Variants in RXRA observed in about 807,000 individuals in gnomAD.
RXRA encodes the protein retinoic acid receptor RXR-alpha.
In RXRA, 5 loss-of-function variants were observed where a neutral mutation model predicts 44.5. The ratio of observed to expected loss-of-function variants is 0.11; its 90% confidence interval spans 0.06 to 0.24. The LOEUF is 0.24. Among genes scored for constraint, RXRA ranks in the 10% least tolerant of loss-of-function variants. RXRA has a pLI of 1.00. For missense variants in RXRA, 412 were observed against 646.5 expected (o/e 0.64, Z 3.93); for synonymous variants, 291 against 271.4 (o/e 1.07, Z -0.71).
rs1348190856 is a variant in RXRA, at chr9:134,417,363, C to T, written c.780+36C>T. ...GCCTGTGCAGGGGTGGGCAGCCTCA[C>T]ATGCCTCAGTTTCCCTCACTCACTC... On this transcript the variant is annotated intron_variant, in intron 5 of 9. Transcript: ENST00000481739. The surrounding 1 kb of genome is among the most constrained non-coding windows in gnomAD (Gnocchi z 6.1). 2.5e-6 allele frequency: 4 copies of T among 1,602,194 alleles called. No homozygotes were observed. Among genetic ancestry groups the T allele is most frequent in the African/African-American group, 2.7e-5 (2 of 74,772 alleles).
rs1458255512 is a variant in RXRA, at chr9:134,407,943, C to T, written c.280-206C>T. Among the ~76,000 whole-genome samples the T allele has an allele frequency of 6.6e-6, 1 of 152,006 alleles. No homozygotes were observed. Among genetic ancestry groups the T allele is most frequent in the Non-Finnish European group, 1.5e-5 (1 of 67,974 alleles). On this transcript the variant is annotated intron_variant, in intron 2 of 9. Coordinates refer to ENST00000481739, the MANE Select transcript of RXRA (RefSeq NM_002957.6). The surrounding 1 kb of genome is among the most constrained non-coding windows in gnomAD (Gnocchi z 4.8). The stretch of plus-strand genomic sequence containing the variant: ...TGCTGCGGGCGAGTCCTGAGGTTGC[C>T]ACAGCCTCTGCTGGCCTTGCTGAGC...
At chr9:134,414,424 G>C (rs36055048) in intron 4 of RXRA, among the ~76,000 whole-genome samples, 1,820 of 152,374 alleles carry the variant, frequency 0.012, 38 homozygotes, top group African/African-American at 0.042. Flanking sequence ...CAGGCCCCCC[G>C]TGTGCTGGCG....
At chr9:134,368,446 G>T (rs1460982476) in intron 1 of RXRA, among the ~76,000 whole-genome samples, 1 of 152,270 alleles carries the variant, frequency 6.6e-6, no homozygotes, top group African/African-American at 2.4e-5. Context: ...CGCCCTCCAG[G>T]ATGAGAGGCT....
At chr9:134,396,768 G>A (rs372543053) in intron 1 of RXRA, among the ~76,000 whole-genome samples, 2 of 152,158 alleles carry the variant, frequency 1.3e-5, no homozygotes, top group South Asian at 2.1e-4. Flanking sequence ...GGGCTTCCTG[G>A]GGCGCCAGAT....
intron 1 of RXRA, among the ~76,000 whole-genome samples, chr9:134,357,807 C>T (rs990065987): frequency 6.6e-6 from 1 of 152,188 alleles, no homozygotes; most frequent in Admixed American, 6.5e-5. Context: ...ATGTGTAAAT[C>T]ACGGTTTCTT....
At chr9:134,413,449 GAAGGT>G (rs1831182968) in intron 4 of RXRA, among the ~76,000 whole-genome samples, 1 of 152,202 alleles carries the variant, frequency 6.6e-6, no homozygotes, top group Non-Finnish European at 1.5e-5. Context: ...GCCCTGGAGG[GAAGGT>G]AAGTCACTCC....
intron 1 of RXRA, among the ~76,000 whole-genome samples, chr9:134,355,549 G>A (rs575194957): frequency 1.4e-4 from 21 of 152,116 alleles, no homozygotes; most frequent in Non-Finnish European, 2.4e-4. Context: ...GGAGGGAGAG[G>A]CAGTGGCTCA....
intron 1 of RXRA, chr9:134,379,693 G>A (rs975518463): frequency 2.5e-5 from 25 of 985,252 alleles, no homozygotes; most frequent in Non-Finnish European, 2.9e-5. Flanking sequence ...CCCAGTATGC[G>A]GATGAGAAAA....
intron 1 of RXRA, among the ~76,000 whole-genome samples, chr9:134,385,770 G>A (rs752800676): frequency 7.2e-5 from 11 of 152,246 alleles, no homozygotes; most frequent in Non-Finnish European, 8.8e-5. Flanking sequence ...TGGGGCGGCT[G>A]TTGCCATCGC....
intron 1 of RXRA, among the ~76,000 whole-genome samples, chr9:134,335,067 C>T (rs1265822023): frequency 6.6e-6 from 1 of 152,198 alleles, no homozygotes; most frequent in African/African-American, 2.4e-5. Flanking sequence ...CCTTCCTTGC[C>T]TGGAACCTTC....
In RXRA at chr9:134,408,195, C is replaced by T. The variant is rs759992284; in HGVS notation, c.326C>T (p.Pro109Leu). The stretch of plus-strand genomic sequence containing the variant: ...GTCAGCAGCAGCGAGGACATCAAGC[C>T]CCCCCTGGGCCTCAATGGCGTCCTC... ...NPVSSSEDIKPPLGLNGVLKV... is the reference protein window; with the variant it reads ...NPVSSSEDIKLPLGLNGVLKV... The change falls in exon 3 of 10, where the codon CCC becomes CTC. Residue 109 changes from proline (P) to leucine (L), a missense_variant. Pro to Leu is a moderately conservative substitution (Grantham distance 98). Around this residue, in one of 4 missense-constraint regions of RXRA, gnomAD observed 156 missense variants for 177.2 expected, o/e 0.88. Transcript: ENST00000481739. The T allele has an allele frequency of 2.5e-6, 4 of 1,602,798 alleles. No homozygotes were observed. In the African/African-American group the frequency reaches 5.4e-5, roughly 22 times the overall value.
At chr9:134,347,902 T>C (rs948338996) in intron 1 of RXRA, among the ~76,000 whole-genome samples, 3 of 151,878 alleles carry the variant, frequency 2.0e-5, no homozygotes, top group Admixed American at 1.3e-4. Flanking sequence ...TCAGAGGCCG[T>C]GAGTGCTGAG....
rs575509325 is a variant in RXRA at position 134,408,201 on chromosome 9, T to C, written c.332T>C (p.Leu111Pro). ...AGCAGCGAGGACATCAAGCCCCCCC[T>C]GGGCCTCAATGGCGTCCTCAAGGTC... ...VSSSEDIKPP[L>P]GLNGVLKVPA... is the part of the protein sequence containing the mutation. The change falls in exon 3 of 10, where the codon CTG (leucine) becomes CCG (proline). Residue 111 changes from leucine to proline, a missense_variant. This residue lies in a region of RXRA where 156 missense variants were observed against 177.2 expected (regional missense o/e 0.88). Coordinates refer to ENST00000481739, the MANE Select transcript of RXRA (RefSeq NM_002957.6). 1.2e-6 allele frequency: 2 copies of C among 1,608,006 alleles called. No homozygotes were observed. Among genetic ancestry groups the C allele is most frequent in the Admixed American group, 1.7e-5 (1 of 59,382 alleles).
intron 1 of RXRA, among the ~76,000 whole-genome samples, chr9:134,392,824 C>T (rs1830820315): frequency 1.3e-5 from 2 of 152,070 alleles, no homozygotes; most frequent in Non-Finnish European, 2.9e-5. Flanking sequence ...GATGGGCGTC[C>T]CTTGAGGTTT....
chr9:134,360,533 C>T (rs10121378), intron 1 of RXRA, among the ~76,000 whole-genome samples: 18,840 of 152,270 alleles, frequency 0.12, 3,020 homozygotes, highest in African/African-American at 0.38. Context: ...AGCCAGTGCC[C>T]GCCGTGCCAG....
intron 1 of RXRA, among the ~76,000 whole-genome samples, chr9:134,360,051 G>C (rs1830330134): frequency 6.6e-6 from 1 of 152,222 alleles, no homozygotes; most frequent in Non-Finnish European, 1.5e-5. Context: ...GTGGAGGTGT[G>C]GCGTGCCCAG....
intron 1 of RXRA, among the ~76,000 whole-genome samples, chr9:134,341,873 T>G (rs1830090368): frequency 6.6e-6 from 1 of 152,128 alleles, no homozygotes; most frequent in African/African-American, 2.4e-5. Flanking sequence ...GGTGCGTGAC[T>G]GGCAGCGTCA....
intron 1 of RXRA, among the ~76,000 whole-genome samples, chr9:134,378,366 C>CCAGCGCCTGTGTGT (rs71381808): frequency 6.6e-6 from 1 of 152,236 alleles, no homozygotes; most frequent in Non-Finnish European, 1.5e-5. Flanking sequence ...CGCCTGTGTG[C>CCAGCGCCTGTGTGT]GGGGTCCTTA....
intron 9 of RXRA, among the ~76,000 whole-genome samples, chr9:134,435,770 G>C (rs116511222): frequency 6.6e-6 from 1 of 152,126 alleles, no homozygotes; most frequent in African/African-American, 2.4e-5. Flanking sequence ...GTGCTCAGCA[G>C]CCCTTTCCCT....
Sources: gnomAD v4.1 joint callset for allele counts (sites outside exome capture counted in the v4.1 genomes callset) on GRCh38, gnomAD v4.1.1 for gene constraint, gnomAD v4.1.1 regional missense constraint, Gnocchi (gnomAD v3.1) non-coding constraint, MANE v1.5 for transcripts, NCBI Gene and HGNC (gene_info 2026-07-23, HGNC 2026-07-21) for gene names.